The following ATP11A variants were observed in gnomAD, a reference collection of about 807,000 sequenced individuals.
ATP11A encodes phospholipid-transporting ATPase IH.
Under a neutral mutation model 154.4 loss-of-function variants are expected in ATP11A, and 81 were observed. That is an observed-to-expected ratio of 0.52 (90% CI 0.44 to 0.63). The LOEUF (loss-of-function observed/expected upper bound fraction) is 0.63, where lower values mean the gene tolerates loss of function less well. ATP11A is among the 30% of genes least tolerant of loss of function. ATP11A has a pLI of 0.00. For missense variants in ATP11A, 1,316 were observed against 1,474.3 expected (o/e 0.89, Z 1.76); for synonymous variants, 623 against 585.9 (o/e 1.06, Z -0.91).
chr13:112,833,039 A>G lies in ATP11A; in HGVS notation c.1559+16A>G, dbSNP rs967703888. 1 of 1,604,596 alleles carries G rather than the reference A, an allele frequency of 6.2e-7. No individual in the cohort carries two copies. Among genetic ancestry groups the G allele is most frequent in the Non-Finnish European group, 8.5e-7 (1 of 1,174,596 alleles). The stretch of plus-strand genomic sequence containing the variant: ...GTGTCCAGAGGTACGTCGCGGGCCA[A>G]GGGTCTGCCTGGGTTTCCTGATGTG... On this transcript the variant is annotated intron_variant, in intron 14 of 29. Transcript: ENST00000375645.
At chr13:112,840,818 A>G (rs992577427) in intron 16 of ATP11A, among the ~76,000 whole-genome samples, 4 of 151,928 alleles carry the variant, frequency 2.6e-5, no homozygotes, top group African/African-American at 9.7e-5. Flanking sequence ...TCCAAGCTCC[A>G]GGCCTTGGAT....
intron 1 of ATP11A, among the ~76,000 whole-genome samples, chr13:112,703,696 C>T (rs930429485): frequency 6.6e-5 from 10 of 151,796 alleles, no homozygotes; most frequent in African/African-American, 1.9e-4. Flanking sequence ...GTGGTTGGTT[C>T]GGATCTAAGG....
rs148072581 is a variant in ATP11A at position 112,876,043 on chromosome 13, G to A, written c.3327+102G>A. ...ACAGTGTGAAAGGTTTGGATTTCAT[G>A]AAACGTGATCAGTTCAGGTATCACT... is the stretch of plus-strand genomic sequence containing the variant. On this transcript the variant is annotated intron_variant, in intron 28 of 29. Transcript: ENST00000375645. The A allele has an allele frequency of 3.7e-4, 509 of 1,375,558 alleles. 2 individuals are homozygous for A. The East Asian group carries it at 0.011, about 30-fold the overall frequency. The allele number at this position is 1,375,558 out of a possible 1,614,324, so 85.2% of individuals were successfully genotyped here. A position where few individuals can be genotyped will look rare whatever the true frequency, so the allele number is the denominator to read the frequency against.
At chr13:112,757,052 T>C (rs2076857828) in intron 1 of ATP11A, among the ~76,000 whole-genome samples, 1 of 152,272 alleles carries the variant, frequency 6.6e-6, no homozygotes, top group Non-Finnish European at 1.5e-5. Flanking sequence ...CTACTGTACA[T>C]GAGATAGCAT....
At chr13:112,855,202 G>GTTGTTTT (rs1368064739) in intron 19 of ATP11A, among the ~76,000 whole-genome samples, 1 of 151,496 alleles carries the variant, frequency 6.6e-6, no homozygotes, top group South Asian at 2.1e-4. Flanking sequence ...GGTTTTTTTT[G>GTTGTTTT]TTGTTTTTTG....
intron 17 of ATP11A, among the ~76,000 whole-genome samples, chr13:112,843,704 A>G (rs1266731256): frequency 1.3e-5 from 2 of 152,182 alleles, no homozygotes; most frequent in East Asian, 3.9e-4. Context: ...ACACTTGATT[A>G]CTGTAGATGT....
chr13:112,808,019 C>G (rs2140148858), intron 4 of ATP11A, among the ~76,000 whole-genome samples: 1 of 152,234 alleles, frequency 6.6e-6, no homozygotes, highest in East Asian at 1.9e-4. Flanking sequence ...CAGGAGTGTC[C>G]TGGAGGAGAG....
Position 112,858,230 on chromosome 13 carries a change from T to G in ATP11A, c.2607T>G (p.Leu869=), listed in dbSNP as rs2079991175. 1 of 1,614,020 alleles carries G rather than the reference T, an allele frequency of 6.2e-7. No individual in the cohort carries two copies. The highest frequency in any genetic ancestry group is 1.3e-5 in the African/African-American group (1 of 74,938). Residue 869 remains leucine (L), a synonymous_variant, in exon 22 of 30, where the codon CTT becomes CTG. Coordinates refer to ENST00000375645, the MANE Select transcript of ATP11A (RefSeq NM_015205.3). ...PKFKHLKKML[L]VHGHFYYIRI... is the part of the protein sequence containing the mutation. ...TTAAGCATTTGAAGAAGATGCTGCT[T>G]GTTCACGGGCATTTTTATTACATTA...
At chr13:112,745,703 T>G (rs1222584292) in intron 1 of ATP11A, 1 of 152,084 alleles carries the variant, frequency 6.6e-6, no homozygotes, top group African/African-American at 2.4e-5. Context: ...ACAAAAAGAT[T>G]AGGAGCGGTG....
In ATP11A at chr13:112,845,502, G is replaced by A. The variant is rs1450364566; in HGVS notation, c.1809+3123G>A. Among the ~76,000 whole-genome samples, 3 of 119,996 alleles carry A rather than the reference G, an allele frequency of 2.5e-5. 1 individual carries two copies. The highest frequency in any genetic ancestry group is 8.2e-5 in the African/African-American group (2 of 24,496). The allele number at this position is 119,996 out of a possible 152,430, so 78.7% of individuals were successfully genotyped here. A position where few individuals can be genotyped will look rare whatever the true frequency, so the allele number is the denominator to read the frequency against. ...TGCCAGGCACTAGTGGTTCTAACCA[G>A]TCCAGTTGCCGGCACTAGCGGTACT... On this transcript the variant is annotated intron_variant, in intron 17 of 29. Coordinates refer to ENST00000375645, the MANE Select transcript of ATP11A (RefSeq NM_015205.3).
chr13:112,772,070 G>A (rs973063752), intron 1 of ATP11A, among the ~76,000 whole-genome samples: 4 of 152,206 alleles, frequency 2.6e-5, no homozygotes, highest in African/African-American at 7.2e-5. Context: ...AGTGCTTTTT[G>A]TGTCCTTACC....
rs190715514 is a variant in ATP11A, at chr13:112,843,383, G to A, written c.1809+1004G>A. Among the ~76,000 whole-genome samples, 204 of 152,262 alleles carry A rather than the reference G, an allele frequency of 1.3e-3. 2 individuals carry two copies. The South Asian group carries it at 0.022, about 16-fold the overall frequency. ...TCCCCACGTGGCTGCTTTGTCCCAC[G>A]GTGTCTGCACCCTTCTCCCGACACC... On this transcript the variant is annotated intron_variant, in intron 17 of 29. Coordinates refer to ENST00000375645, the MANE Select transcript of ATP11A (RefSeq NM_015205.3).
At chr13:112,752,385 A>G (rs373653) in intron 1 of ATP11A, among the ~76,000 whole-genome samples, 37,157 of 151,978 alleles carry the variant, frequency 0.24, 6,078 homozygotes, top group African/African-American at 0.46. Flanking sequence ...CGCCATTCCC[A>G]AAGTCTCCTG....
At chr13:112,711,882 C>T (rs909231560) in intron 1 of ATP11A, among the ~76,000 whole-genome samples, 1 of 152,176 alleles carries the variant, frequency 6.6e-6, no homozygotes, top group African/African-American at 2.4e-5. Flanking sequence ...AGCCCAGGAG[C>T]CTGGATGACT....
intron 28 of ATP11A, among the ~76,000 whole-genome samples, chr13:112,876,788 G>T (rs1306818231): frequency 6.6e-6 from 1 of 152,178 alleles, no homozygotes; most frequent in Non-Finnish European, 1.5e-5. Flanking sequence ...GTGAGTGGGG[G>T]CCGGGGCCCC....
intron 1 of ATP11A, among the ~76,000 whole-genome samples, chr13:112,774,104 C>T (rs1458855405): frequency 3.9e-5 from 6 of 152,214 alleles, no homozygotes; most frequent in Non-Finnish European, 5.9e-5. Flanking sequence ...CTAAGCATTG[C>T]GGCCGAAGGT....
At chr13:112,739,226 G>A (rs67174900) in intron 1 of ATP11A, among the ~76,000 whole-genome samples, 49,520 of 152,038 alleles carry the variant, frequency 0.33, 8,821 homozygotes, top group Middle Eastern at 0.45. Context: ...GAGTGGCTCT[G>A]GTCAGGCATT....
intron 1 of ATP11A, among the ~76,000 whole-genome samples, chr13:112,704,277 A>G (rs943154757): frequency 6.6e-6 from 1 of 152,198 alleles, no homozygotes; most frequent in African/African-American, 2.4e-5. Context: ...TGTTGTACGC[A>G]CAACTCAGAG....
chr13:112,726,563 A>G (rs950401629), intron 1 of ATP11A, among the ~76,000 whole-genome samples: 1 of 152,206 alleles, frequency 6.6e-6, no homozygotes, highest in Non-Finnish European at 1.5e-5. Flanking sequence ...TCTGGATGGC[A>G]GCTCCTGACC....
Sources: gnomAD v4.1 joint callset for allele counts (sites outside exome capture counted in the v4.1 genomes callset) on GRCh38, gnomAD v4.1.1 for gene constraint, MANE v1.5 for transcripts, NCBI Gene and HGNC (gene_info 2026-07-23, HGNC 2026-07-21) for gene names.